CLASP1: variants seen among roughly 807,000 people sequenced by gnomAD.
CLASP1 encodes CLIP-associating protein 1.
Under a neutral mutation model 192.3 loss-of-function variants are expected in CLASP1, and 38 were observed. The ratio of observed to expected loss-of-function variants is 0.20; its 90% CI spans 0.15 to 0.26. CLASP1 has a LOEUF of 0.26. CLASP1 is among the 10% of genes least tolerant of loss of function. The probability of loss-of-function intolerance (pLI) is 1.00; values close to 1 mark genes in which losing one functional copy is unlikely to be tolerated. For missense variants in CLASP1, 1,433 were observed against 1,932.5 expected (o/e 0.74, Z 4.85); for synonymous variants, 691 against 712.8 (o/e 0.97, Z 0.49).
intron 2 of CLASP1, among the ~76,000 whole-genome samples, chr2:121,542,683 T>C (rs2095257827): frequency 6.6e-6 from 1 of 152,204 alleles, no homozygotes; most frequent in Admixed American, 6.5e-5. Flanking sequence ...CCTCCAGAGA[T>C]AGTTTATAAA....
intron 6 of CLASP1, among the ~76,000 whole-genome samples, chr2:121,523,111 G>C (rs2094494459): frequency 6.6e-6 from 1 of 152,146 alleles, no homozygotes; most frequent in Non-Finnish European, 1.5e-5. Context: ...TGACCCCAAG[G>C]TCAGCTATTA....
intron 7 of CLASP1, among the ~76,000 whole-genome samples, chr2:121,513,839 CCCTGGGTTTTT>C (rs1409510218): frequency 1.3e-5 from 2 of 152,194 alleles, no homozygotes; most frequent in African/African-American, 4.8e-5. Flanking sequence ...AGACTCAGTG[CCCTGGGTTTTT>C]CCTGGGGGCT....
At chr2:121,523,704 C>T (rs1438179523) in intron 6 of CLASP1, among the ~76,000 whole-genome samples, 1 of 152,196 alleles carries the variant, frequency 6.6e-6, no homozygotes, top group Non-Finnish European at 1.5e-5. Flanking sequence ...CAGTGAAGAG[C>T]CCTAGGACAA....
intron 25 of CLASP1, 55 bp downstream of exon 26, chr2:121,407,416 T>G: frequency 6.2e-7 from 1 of 1,600,156 alleles, no homozygotes; most frequent in Non-Finnish European, 8.5e-7. Context: ...TTTAAACCCC[T>G]GAAGAGTCCA....
chr2:121,443,528 G>C (rs2083749639), intron 19 of CLASP1, among the ~76,000 whole-genome samples: 2 of 152,204 alleles, frequency 1.3e-5, no homozygotes, highest in Non-Finnish European at 2.9e-5. Context: ...ATCAGCTTAA[G>C]AAATGAAGAA....
At chr2:121,564,844 T>G (rs913334940) in intron 2 of CLASP1, among the ~76,000 whole-genome samples, 1 of 152,196 alleles carries the variant, frequency 6.6e-6, no homozygotes, top group African/African-American at 2.4e-5. Context: ...GGGGCTGCAG[T>G]TGGCATGAAA....
chr2:121,361,378 T>C (rs2066374572), intron 37 of CLASP1, among the ~76,000 whole-genome samples: 1 of 152,222 alleles, frequency 6.6e-6, no homozygotes, highest in East Asian at 1.9e-4. Context: ...TTTGATCACG[T>C]ATTCTCATTA....
intron 2 of CLASP1, chr2:121,530,998 T>TA (rs1487457167): frequency 4.3e-6 from 3 of 700,244 alleles, no homozygotes; most frequent in Non-Finnish European, 5.2e-6. Context: ...TTGGTGCAAT[T>TA]TTTGGAAAAA....
intron 28 of CLASP1, among the ~76,000 whole-genome samples, chr2:121,400,390 C>A (rs1574342128): frequency 6.6e-6 from 1 of 152,164 alleles, no homozygotes. Context: ...TGTAGAGGAA[C>A]AGACGCATAC....
At chr2:121,454,790 C>A (rs533454987) in intron 14 of CLASP1, among the ~76,000 whole-genome samples, 1 of 152,118 alleles carries the variant, frequency 6.6e-6, no homozygotes, top group Non-Finnish European at 1.5e-5. Flanking sequence ...TTGCCTTACG[C>A]AAGGAAAAAC....
exon 23 of CLASP1, chr2:121,418,665 C>T (rs1308962376): frequency 6.2e-7 from 1 of 1,613,938 alleles, no homozygotes; most frequent in Admixed American, 1.7e-5. Flanking sequence ...CTCGGCTGCT[C>T]TCACGGCTGG....
At chr2:121,568,039 T>TG (rs1415198238) in intron 2 of CLASP1, among the ~76,000 whole-genome samples, 5 of 152,176 alleles carry the variant, frequency 3.3e-5, no homozygotes, top group Non-Finnish European at 5.9e-5. Flanking sequence ...CTTTATACAC[T>TG]TTCAGGATGT....
At chr2:121,634,154 A>T (rs896559273) in intron 1 of CLASP1, among the ~76,000 whole-genome samples, 4 of 152,124 alleles carry the variant, frequency 2.6e-5, no homozygotes, top group African/African-American at 9.7e-5. Flanking sequence ...CCATAGTAGC[A>T]CGCTTAATAC....
chr2:121,545,380 C>T (rs2095310184), intron 2 of CLASP1, among the ~76,000 whole-genome samples: 1 of 151,764 alleles, frequency 6.6e-6, no homozygotes, highest in Admixed American at 6.6e-5. Context: ...GGGGGTGGGG[C>T]GGGCACGGAG....
chr2:121,483,419 TGA>T (rs907578816), intron 8 of CLASP1, among the ~76,000 whole-genome samples: 5 of 151,684 alleles, frequency 3.3e-5, no homozygotes, highest in Admixed American at 6.6e-5. Flanking sequence ...AGCAAATATC[TGA>T]GAGAGAGAGA....
At chr2:121,423,025 T>C (rs1265313053) in intron 22 of CLASP1, among the ~76,000 whole-genome samples, 1 of 152,144 alleles carries the variant, frequency 6.6e-6, no homozygotes, top group African/African-American at 2.4e-5. Flanking sequence ...ATAATAGTAA[T>C]ATATAATCTA....
intron 8 of CLASP1, among the ~76,000 whole-genome samples, chr2:121,477,199 C>G (rs1186305636): frequency 6.6e-6 from 1 of 152,196 alleles, no homozygotes; most frequent in Admixed American, 6.5e-5. Context: ...TGGGCCAACA[C>G]CCAGTAGACA....
intron 2 of CLASP1, among the ~76,000 whole-genome samples, chr2:121,562,387 T>G (rs2059167371): frequency 6.6e-6 from 1 of 152,236 alleles, no homozygotes; most frequent in Non-Finnish European, 1.5e-5. Flanking sequence ...CAAGGCATTC[T>G]TTAAATCTGA....
At chr2:121,422,806 C>T (rs968174882) in intron 22 of CLASP1, among the ~76,000 whole-genome samples, 2 of 152,072 alleles carry the variant, frequency 1.3e-5, no homozygotes, top group East Asian at 1.9e-4. Flanking sequence ...GAACCAAACA[C>T]GATTTGTAGA....
Sources: allele counts gnomAD v4.1 joint callset (sites outside exome capture counted in the v4.1 genomes callset), GRCh38; gene constraint gnomAD v4.1.1; transcripts MANE v1.5; gene names NCBI Gene and HGNC (gene_info 2026-07-23, HGNC 2026-07-21).